The following CTNNA2 variants were observed in gnomAD, a reference collection of about 807,000 sequenced individuals.
CTNNA2 encodes the protein catenin alpha 2, also known as catenin alpha-2.
In CTNNA2, 42 loss-of-function variants were observed where a neutral mutation model predicts 101.0. The observed-to-expected ratio is 0.42, with a 90% CI of 0.32 to 0.54. The LOEUF is 0.54. Ranked by LOEUF, CTNNA2 falls within the 20% of genes least tolerant of loss-of-function variation. The pLI, the probability that CTNNA2 is intolerant of heterozygous loss-of-function variation, is 0.14. For synonymous variants in CTNNA2, 450 were observed against 456.4 expected (o/e 0.99, Z 0.18); for missense variants, 871 against 1,223.1 (o/e 0.71, Z 4.29).
intron 3 of CTNNA2, among the ~76,000 whole-genome samples, chr2:79,315,702 G>A (rs1676481139): frequency 6.6e-6 from 1 of 152,086 alleles, no homozygotes; most frequent in Non-Finnish European, 1.5e-5. Context: ...ACTATGGATA[G>A]TGCTACTATG....
At chr2:79,746,273 A>T (rs1296896461) in intron 3 of CTNNA2, among the ~76,000 whole-genome samples, 1 of 152,154 alleles carries the variant, frequency 6.6e-6, no homozygotes, top group Non-Finnish European at 1.5e-5. Context: ...GCTGTTGTTA[A>T]GTTATAGGAG....
intron 1 of CTNNA2, among the ~76,000 whole-genome samples, chr2:79,589,780 A>G (rs1676729939): frequency 6.6e-6 from 1 of 151,006 alleles, no homozygotes; most frequent in Non-Finnish European, 1.5e-5. Context: ...CTAACAAATG[A>G]CTATTGAAGA....
At chr2:80,065,434 C>G (rs1697917900) in intron 7 of CTNNA2, among the ~76,000 whole-genome samples, 1 of 151,434 alleles carries the variant, frequency 6.6e-6, no homozygotes, top group Non-Finnish European at 1.5e-5. Context: ...TCTCGGCTCA[C>G]TACAATCTCT....
rs541087747 is a variant in CTNNA2 at position 80,609,690 on chromosome 2, T to A, written c.2430+1372T>A. On this transcript the variant is annotated intron_variant, in intron 17 of 18. Coordinates refer to ENST00000402739, the MANE Select transcript of CTNNA2 (RefSeq NM_001282597.3). ...CACTCAGCTTTCATGTCCATCTGTA[T>A]ATAGCCCCTGTGGAACTGAGTGCTT... Among the ~76,000 whole-genome samples, 49 of 151,786 alleles carry A rather than the reference T, an allele frequency of 3.2e-4. 1 individual carries two copies. Among genetic ancestry groups the A allele is most frequent in the Non-Finnish European group, 4.4e-4 (30 of 67,798 alleles).
intron 3 of CTNNA2, among the ~76,000 whole-genome samples, chr2:79,804,868 T>G (rs1466891385): frequency 6.6e-6 from 1 of 152,188 alleles, no homozygotes; most frequent in African/African-American, 2.4e-5. Flanking sequence ...TTGAACATTT[T>G]AAAAGTCTCA....
intron 9 of CTNNA2, among the ~76,000 whole-genome samples, chr2:80,468,530 G>A (rs920925195): frequency 7.2e-5 from 11 of 152,100 alleles, no homozygotes; most frequent in African/African-American, 2.4e-4. Context: ...TGATTCTCCT[G>A]CCTCAGCCTC....
intron 2 of CTNNA2, among the ~76,000 whole-genome samples, chr2:79,303,944 C>A (rs2104392898): frequency 6.6e-6 from 1 of 152,178 alleles, no homozygotes; most frequent in South Asian, 2.1e-4. Context: ...ATTACCCATG[C>A]AGATTTCCCT....
intron 9 of CTNNA2, among the ~76,000 whole-genome samples, chr2:80,484,774 A>C (rs976984971): frequency 6.6e-6 from 1 of 152,200 alleles, no homozygotes; most frequent in Non-Finnish European, 1.5e-5. Flanking sequence ...TGGGAGGCCA[A>C]GGCGGGCGGA....
rs1485932182 is a variant in CTNNA2 at position 80,160,239 on chromosome 2, T to C, written c.1057-232972T>C. ...TCTCAATATTGAGTTAAATAGATTC[T>C]TCCCTCTTTAATCTTCTTTTTTAAA... On this transcript the variant is annotated intron_variant, in intron 7 of 18. Coordinates refer to ENST00000402739, the MANE Select transcript of CTNNA2 (RefSeq NM_001282597.3). Among the ~76,000 whole-genome samples the C allele has an allele frequency of 2.6e-5, 4 of 152,356 alleles. No homozygotes were observed. The East Asian group carries it at 5.8e-4, about 22-fold the overall frequency.
At chr2:80,558,796 TTTG>T (rs139460203) in intron 12 of CTNNA2, among the ~76,000 whole-genome samples, 15 of 152,044 alleles carry the variant, frequency 9.9e-5, no homozygotes, top group Admixed American at 6.6e-4. Context: ...TGTCATGGTT[TTTG>T]TTGTTGTTGT....
At chr2:79,873,505 G>T (rs773442796) in intron 5 of CTNNA2, among the ~76,000 whole-genome samples, 1 of 152,062 alleles carries the variant, frequency 6.6e-6, no homozygotes, top group African/African-American at 2.4e-5. Flanking sequence ...AGATGAAAGG[G>T]GACACAGCTT....
chr2:79,740,739 G>A (rs950400363), intron 2 of CTNNA2, among the ~76,000 whole-genome samples: 1 of 152,162 alleles, frequency 6.6e-6, no homozygotes, highest in Non-Finnish European at 1.5e-5. Flanking sequence ...AGCAAGAGGA[G>A]ACTGGTGAGT....
At chr2:79,375,724 C>G (rs1431275886) in intron 4 of CTNNA2, among the ~76,000 whole-genome samples, 1 of 152,094 alleles carries the variant, frequency 6.6e-6, no homozygotes, top group Non-Finnish European at 1.5e-5. Context: ...TCAGTTAAAT[C>G]CTTTGAGCTT....
intron 1 of CTNNA2, among the ~76,000 whole-genome samples, chr2:79,650,701 A>G (rs2104470874): frequency 6.6e-6 from 1 of 151,296 alleles, no homozygotes; most frequent in African/African-American, 2.4e-5. Flanking sequence ...TTAGTTACAT[A>G]CATATACATG....
At chr2:79,233,207 C>T (rs922509298) in intron 2 of CTNNA2, among the ~76,000 whole-genome samples, 3 of 152,046 alleles carry the variant, frequency 2.0e-5, no homozygotes, top group Non-Finnish European at 4.4e-5. Context: ...ATAAACTTTC[C>T]TTTTAACATT....
At chr2:80,514,486 C>T (rs532888484) in intron 9 of CTNNA2, among the ~76,000 whole-genome samples, 1 of 152,156 alleles carries the variant, frequency 6.6e-6, no homozygotes, top group Non-Finnish European at 1.5e-5. Flanking sequence ...TTTCTGGGTA[C>T]CCACACTCGG....
rs117607643 is a variant in CTNNA2 at position 79,338,674 on chromosome 2, G to T, written c.-318+25878G>T. ...TTCCTCTGGCTGCTCTGGATTATTT[G>T]GTGGGGGCGGGGTAGGGCAAAATAT... On this transcript the variant is annotated intron_variant, in intron 3 of 21. Transcript: ENST00000466387. 2.1e-4 allele frequency among the ~76,000 whole-genome samples: 31 copies of T among 146,136 alleles called. No homozygotes were observed. The East Asian group carries it at 5.8e-3, about 27-fold the overall frequency.
chr2:80,018,986 C>T (rs1191945820), intron 7 of CTNNA2, among the ~76,000 whole-genome samples: 1 of 152,092 alleles, frequency 6.6e-6, no homozygotes, highest in East Asian at 1.9e-4. Flanking sequence ...ATGGTTGTAT[C>T]TGTGCTGAAC....
intron 4 of CTNNA2, among the ~76,000 whole-genome samples, chr2:79,447,815 A>G (rs1051942130): frequency 6.6e-6 from 1 of 152,076 alleles, no homozygotes; most frequent in African/African-American, 2.4e-5. Context: ...AATTGAGTGG[A>G]CTGTTCCCAT....
Sources: allele counts gnomAD v4.1 joint callset (sites outside exome capture counted in the v4.1 genomes callset), GRCh38; gene constraint gnomAD v4.1.1; transcripts MANE v1.5; gene names NCBI Gene and HGNC (gene_info 2026-07-23, HGNC 2026-07-21).